Variants in SLC10A7 observed in about 807,000 individuals in gnomAD.
The protein encoded by SLC10A7 is sodium/bile acid cotransporter 7.
In SLC10A7, 29 loss-of-function variants were observed where a neutral mutation model predicts 43.2. The ratio of observed to expected loss-of-function variants is 0.67; its 90% CI spans 0.50 to 0.92. The LOEUF is 0.92. Among genes scored for constraint, SLC10A7 ranks in the 40% least tolerant of loss-of-function variants. The pLI is 0.00. For missense variants in SLC10A7, 295 were observed against 403.2 expected (o/e 0.73, Z 2.30); for synonymous variants, 152 against 144.8 (o/e 1.05, Z -0.35).
intron 10 of SLC10A7, among the ~76,000 whole-genome samples, chr4:146,272,808 C>A (rs1257214187): frequency 6.6e-6 from 1 of 151,752 alleles, no homozygotes; most frequent in African/African-American, 2.4e-5. Flanking sequence ...GGTAAACTTT[C>A]TAAATATTAA....
intron 5 of SLC10A7, among the ~76,000 whole-genome samples, chr4:146,362,556 A>G (rs909728554): frequency 6.6e-6 from 1 of 152,168 alleles, no homozygotes; most frequent in Non-Finnish European, 1.5e-5. Flanking sequence ...GTACACAAAT[A>G]CAGAATACTC....
chr4:146,509,970 A>G lies in SLC10A7; in HGVS notation c.263T>C (p.Ile88Thr), dbSNP rs1472273602. The G allele has an allele frequency of 6.2e-7, 1 of 1,613,756 alleles. No individual in the cohort carries two copies. Among genetic ancestry groups the G allele is most frequent in the Non-Finnish European group, 8.5e-7 (1 of 1,179,874 alleles). The change falls in exon 3 of 12, where the codon ATA becomes ACA. Residue 88 changes from isoleucine to threonine, a missense_variant. Physicochemically the swap from Ile to Thr is moderately conservative, Grantham distance 89 (BLOSUM62 -1). Coordinates refer to ENST00000335472, the MANE Select transcript of SLC10A7 (RefSeq NM_001029998.6). ...TGATAAAAGCTGAAGAAAAAGCCAT[A>G]TTGTTGCTGGGAAGAATGCAAGAGT... ...IFTLAFFPAT[I>T]WLFLQLLSIT...
At chr4:146,424,172 C>G (rs533260875) in intron 5 of SLC10A7, among the ~76,000 whole-genome samples, 1 of 152,310 alleles carries the variant, frequency 6.6e-6, no homozygotes, top group Admixed American at 6.5e-5. Context: ...CCACCTCAGC[C>G]TCCAGAGTAG....
At chr4:146,451,286 A>T (rs1337436772) in intron 4 of SLC10A7, among the ~76,000 whole-genome samples, 1 of 150,960 alleles carries the variant, frequency 6.6e-6, no homozygotes, top group Non-Finnish European at 1.5e-5. Flanking sequence ...TTCACTGCTG[A>T]ATTCTACCAC....
intron 6 of SLC10A7, among the ~76,000 whole-genome samples, chr4:146,306,337 T>A (rs1176630948): frequency 6.6e-6 from 1 of 152,190 alleles, no homozygotes; most frequent in East Asian, 1.9e-4. Context: ...TTACAGGTTA[T>A]GTGATTTTTA....
intron 5 of SLC10A7, among the ~76,000 whole-genome samples, chr4:146,379,136 A>C (rs1737421728): frequency 6.6e-6 from 1 of 152,192 alleles, no homozygotes; most frequent in Non-Finnish European, 1.5e-5. Flanking sequence ...AGGAATGCTG[A>C]CCAAATTACT....
chr4:146,299,789 G>A (rs1189965324), intron 7 of SLC10A7, among the ~76,000 whole-genome samples: 3 of 152,328 alleles, frequency 2.0e-5, no homozygotes, highest in Admixed American at 6.5e-5. Context: ...CACCTTAAAT[G>A]TGGGGTCATA....
At chr4:146,454,652 A>T (rs1251392286) in intron 4 of SLC10A7, among the ~76,000 whole-genome samples, 3 of 151,880 alleles carry the variant, frequency 2.0e-5, no homozygotes, top group African/African-American at 7.2e-5. Context: ...AGAATTTTAG[A>T]GGCTCTCTCT....
intron 5 of SLC10A7, among the ~76,000 whole-genome samples, chr4:146,352,240 T>C (rs1409961489): frequency 1.0e-5 from 1 of 97,020 alleles, no homozygotes; most frequent in Non-Finnish European, 2.0e-5. Context: ...GCAATCCTAG[T>C]CTCTGATAAA....
intron 4 of SLC10A7, among the ~76,000 whole-genome samples, chr4:146,483,396 A>G (rs890998184): frequency 5.3e-5 from 8 of 152,176 alleles, no homozygotes; most frequent in Non-Finnish European, 1.0e-4. Context: ...TTATCAGCTT[A>G]CAACAGTAGT....
At chr4:146,348,665 A>C (rs1158869184) in intron 5 of SLC10A7, among the ~76,000 whole-genome samples, 1 of 152,232 alleles carries the variant, frequency 6.6e-6, no homozygotes, top group Non-Finnish European at 1.5e-5. Context: ...AAAACGTATC[A>C]TTTAAATTTA....
chr4:146,400,714 G>A (rs1247079768), intron 5 of SLC10A7, among the ~76,000 whole-genome samples: 1 of 152,076 alleles, frequency 6.6e-6, no homozygotes, highest in African/African-American at 2.4e-5. Context: ...AACCAAAAAA[G>A]TAGGCTAAGC....
At chr4:146,418,257 A>G (rs1345625025) in intron 5 of SLC10A7, among the ~76,000 whole-genome samples, 1 of 152,188 alleles carries the variant, frequency 6.6e-6, no homozygotes, top group African/African-American at 2.4e-5. Context: ...TCCATTGCTA[A>G]TAATTATGAG....
chr4:146,371,316 G>A (rs533897797), intron 5 of SLC10A7, among the ~76,000 whole-genome samples: 20 of 152,290 alleles, frequency 1.3e-4, no homozygotes, highest in Non-Finnish European at 5.9e-5. Flanking sequence ...CTTACAGGGC[G>A]CCTGCCCTTG....
At chr4:146,417,826 G>A (rs551981817) in intron 5 of SLC10A7, among the ~76,000 whole-genome samples, 2 of 152,092 alleles carry the variant, frequency 1.3e-5, no homozygotes, top group South Asian at 4.1e-4. Flanking sequence ...GATACTACGG[G>A]AAAGAAGATA....
intron 5 of SLC10A7, among the ~76,000 whole-genome samples, chr4:146,366,895 C>T (rs1290342614): frequency 1.3e-5 from 2 of 152,124 alleles, no homozygotes; most frequent in Non-Finnish European, 2.9e-5. Flanking sequence ...TCTGAGTTTT[C>T]TGCTTTGAAA....
At chr4:146,387,681 C>T (rs1738111129) in intron 5 of SLC10A7, among the ~76,000 whole-genome samples, 1 of 152,124 alleles carries the variant, frequency 6.6e-6, no homozygotes, top group African/African-American at 2.4e-5. Context: ...GTAGAAAACC[C>T]TAAAGACTCC....
At chr4:146,351,828 C>T (rs1416775020) in intron 5 of SLC10A7, among the ~76,000 whole-genome samples, 2 of 129,310 alleles carry the variant, frequency 1.5e-5, no homozygotes, top group East Asian at 4.6e-4. Context: ...TATAGACAAG[C>T]AAATGCTGAG....
At chr4:146,403,237 A>G (rs572442305) in intron 5 of SLC10A7, among the ~76,000 whole-genome samples, 1 of 152,262 alleles carries the variant, frequency 6.6e-6, no homozygotes, top group Non-Finnish European at 1.5e-5. Context: ...GTAATTCTGA[A>G]AACGTCTCAG....
Sources: gnomAD v4.1 joint callset for allele counts (sites outside exome capture counted in the v4.1 genomes callset) on GRCh38, gnomAD v4.1.1 for gene constraint, MANE v1.5 for transcripts, NCBI Gene and HGNC (gene_info 2026-07-23, HGNC 2026-07-21) for gene names.